Variants in DENND1A observed in about 807,000 individuals in gnomAD.
DENND1A encodes the protein DENN domain containing 1A.
DENND1A carries 51 observed loss-of-function variants against 113.7 expected under a neutral mutation model. That is an observed-to-expected ratio of 0.45 (90% CI 0.36 to 0.57). The LOEUF (loss-of-function observed/expected upper bound fraction) is 0.57. DENND1A is among the 20% of genes least tolerant of loss of function. The pLI is 0.00. For missense variants in DENND1A, 1,258 were observed against 1,395.9 expected, an observed-to-expected ratio of 0.90 and a Z score of 1.57; for synonymous variants, 565 against 570.8, an observed-to-expected ratio of 0.99 and a Z score of 0.14.
At chr9:123,528,781 T>C (rs2055051821) in intron 13 of DENND1A, among the ~76,000 whole-genome samples, 1 of 152,224 alleles carries the variant, frequency 6.6e-6, no homozygotes, top group South Asian at 2.1e-4. Flanking sequence ...ATTCAAACAA[T>C]TCCAAACTAG....
chr9:123,435,764 G>A (rs891722752), intron 19 of DENND1A, among the ~76,000 whole-genome samples: 2 of 152,212 alleles, frequency 1.3e-5, no homozygotes, highest in Non-Finnish European at 2.9e-5. Flanking sequence ...TGGCAAGGAG[G>A]GAGAGCTGCA....
chr9:123,836,891 A>G (rs926971194), intron 2 of DENND1A, among the ~76,000 whole-genome samples: 8 of 152,206 alleles, frequency 5.3e-5, no homozygotes, highest in Non-Finnish European at 1.5e-5. Context: ...TGGAATATTT[A>G]TTGCATAAAA....
chr9:123,794,981 A>G (rs1206691750), intron 2 of DENND1A, among the ~76,000 whole-genome samples: 1 of 151,998 alleles, frequency 6.6e-6, no homozygotes, highest in African/African-American at 2.4e-5. Flanking sequence ...TTGTCCTAAG[A>G]CTCTCTACAA....
At chr9:123,762,730 T>C (rs1483335970) in intron 4 of DENND1A, among the ~76,000 whole-genome samples, 1 of 152,196 alleles carries the variant, frequency 6.6e-6, no homozygotes, top group Non-Finnish European at 1.5e-5. Flanking sequence ...ATAGTGGTAT[T>C]ACAAAACCAA....
chr9:123,410,965 C>T (rs571165134), intron 20 of DENND1A, among the ~76,000 whole-genome samples: 67 of 152,308 alleles, frequency 4.4e-4, no homozygotes, highest in Admixed American at 9.2e-4. Context: ...AACGACTCCA[C>T]TGATGCTTAA....
chr9:123,521,122 C>T (rs1254507808), intron 13 of DENND1A, among the ~76,000 whole-genome samples: 1 of 152,172 alleles, frequency 6.6e-6, no homozygotes, highest in Non-Finnish European at 1.5e-5. Flanking sequence ...TACCAAGACG[C>T]GGTTCCCCAG....
In DENND1A at chr9:123,382,066, G is replaced by A. The variant is rs376967578; in HGVS notation, c.2579C>T (p.Pro860Leu). Reference sequence around the variant, plus strand: ...TACATTCGGGGTGGCGGGGCGTGACGGGAGGGTGCTGCCTGACCAGGCTGT... The same window carrying A: ...TACATTCGGGGTGGCGGGGCGTGACAGGAGGGTGCTGCCTGACCAGGCTGT... ...LSTAWSGSTL[P>L]SRPATPNVAT... The change falls in exon 24 of 24, where the codon CCG (proline) becomes CTG (leucine). Residue 860 changes from proline (P) to leucine (L), a missense_variant. This residue lies in a region of DENND1A where 1,159 missense variants were observed against 1,231.7 expected (regional missense o/e 0.94). Transcript: ENST00000394215. 2.4e-4 allele frequency: 368 copies of A among 1,510,888 alleles called. 1 individual carries two copies. In the African/African-American group the frequency reaches 4.3e-3, roughly 18 times the overall value. The allele number at this position is 1,510,888 out of a possible 1,614,324, so 93.6% of individuals were successfully genotyped here.
At chr9:123,790,782 T>C (rs78982304) in intron 3 of DENND1A, among the ~76,000 whole-genome samples, 2,759 of 152,214 alleles carry the variant, frequency 0.018, 79 homozygotes, top group African/African-American at 0.062. Context: ...TATGCAAGAA[T>C]AGTACATGTG....
intron 13 of DENND1A, among the ~76,000 whole-genome samples, chr9:123,496,552 A>T (rs2051933255): frequency 6.6e-6 from 1 of 152,200 alleles, no homozygotes; most frequent in South Asian, 2.1e-4. Context: ...GCTTCACTTC[A>T]CAGAACACAC....
intron 19 of DENND1A, among the ~76,000 whole-genome samples, chr9:123,433,078 T>C (rs74877643): frequency 1.4e-4 from 22 of 152,332 alleles, no homozygotes; most frequent in South Asian, 8.3e-4. Flanking sequence ...CTCTTGCACA[T>C]TGGGGAAAGA....
chr9:123,767,831 A>G (rs539631865), intron 4 of DENND1A, among the ~76,000 whole-genome samples: 7 of 152,302 alleles, frequency 4.6e-5, no homozygotes, highest in South Asian at 2.1e-4. Flanking sequence ...TCCAAAACAA[A>G]TCACCACTCT....
intron 3 of DENND1A, among the ~76,000 whole-genome samples, chr9:123,781,744 T>G (rs1831352662): frequency 6.6e-6 from 1 of 152,154 alleles, no homozygotes; most frequent in South Asian, 2.1e-4. Context: ...TGGGGATATT[T>G]GCCTCCTAAC....
chr9:123,743,379 C>T (rs1353250948), intron 5 of DENND1A, among the ~76,000 whole-genome samples: 2 of 150,424 alleles, frequency 1.3e-5, no homozygotes, highest in African/African-American at 4.9e-5. Flanking sequence ...CCAGCCTGAG[C>T]GATGGAGTAA....
intron 13 of DENND1A, among the ~76,000 whole-genome samples, chr9:123,518,160 ACCTT>A (rs1254586394): frequency 6.6e-6 from 1 of 152,222 alleles, no homozygotes; most frequent in Non-Finnish European, 1.5e-5. Context: ...GGCACAAAGG[ACCTT>A]ATAAGTAGGA....
At chr9:123,520,572 T>C (rs1419592755) in intron 13 of DENND1A, among the ~76,000 whole-genome samples, 2 of 152,272 alleles carry the variant, frequency 1.3e-5, no homozygotes, top group African/African-American at 2.4e-5. Flanking sequence ...TGTAGGCTGA[T>C]GCCTGCAGAC....
chr9:123,396,701 T>C (rs747436197), intron 21 of DENND1A, among the ~76,000 whole-genome samples: 6 of 152,182 alleles, frequency 3.9e-5, no homozygotes, highest in Non-Finnish European at 8.8e-5. Flanking sequence ...CTCCAATTCC[T>C]AGGCAGCAAG....
intron 5 of DENND1A, among the ~76,000 whole-genome samples, chr9:123,727,119 G>A (rs1274518017): frequency 6.6e-6 from 1 of 152,228 alleles, no homozygotes; most frequent in African/African-American, 2.4e-5. Context: ...CTTGGCTAGT[G>A]TGTAAGGTAT....
intron 3 of DENND1A, among the ~76,000 whole-genome samples, chr9:123,773,722 C>CT: frequency 6.6e-6 from 1 of 152,086 alleles, no homozygotes; most frequent in Non-Finnish European, 1.5e-5. Flanking sequence ...CAGATGAAAA[C>CT]AACTGACAGT....
At chr9:123,392,067 C>T (rs762678133) in intron 21 of DENND1A, among the ~76,000 whole-genome samples, 2 of 152,200 alleles carry the variant, frequency 1.3e-5, no homozygotes, top group Non-Finnish European at 2.9e-5. Flanking sequence ...TTTGGTTTAA[C>T]GTGTCGCCGG....
Sources: allele counts gnomAD v4.1 joint callset (sites outside exome capture counted in the v4.1 genomes callset), GRCh38; gene constraint gnomAD v4.1.1; regional missense constraint gnomAD v4.1.1; transcripts MANE v1.5; gene names NCBI Gene and HGNC (gene_info 2026-07-23, HGNC 2026-07-21).